The following ECT2L variants were observed in gnomAD, a reference collection of about 807,000 sequenced individuals.
The protein encoded by ECT2L is epithelial cell transforming 2 like.
ECT2L carries 126 observed loss-of-function variants against 122.8 expected under a neutral mutation model. The observed-to-expected ratio is 1.03, with a 90% CI of 0.89 to 1.19. The LOEUF (loss-of-function observed/expected upper bound fraction) is 1.19, where lower values mean the gene tolerates loss of function less well. ECT2L is among the 50% of genes most tolerant of loss of function. ECT2L has a pLI of 0.00. For synonymous variants in ECT2L, 385 were observed against 381.8 expected, an observed-to-expected ratio of 1.01 and a Z score of -0.10; for missense variants, 1,012 against 1,064.1, an observed-to-expected ratio of 0.95 and a Z score of 0.68.
At chr6:138,895,545 T>C (rs1388613564) in intron 20 of ECT2L, among the ~76,000 whole-genome samples, 1 of 151,442 alleles carries the variant, frequency 6.6e-6, no homozygotes, top group South Asian at 2.1e-4. Context: ...CTCACTAACA[T>C]AGTAACAATT....
intron 4 of ECT2L, among the ~76,000 whole-genome samples, chr6:138,836,616 G>A (rs189936166): frequency 6.6e-6 from 1 of 151,916 alleles, no homozygotes. Flanking sequence ...TTACTATGAT[G>A]GCCTCCAAGT....
intron 4 of ECT2L, among the ~76,000 whole-genome samples, chr6:138,825,058 T>C (rs1425724706): frequency 6.6e-6 from 1 of 152,164 alleles, no homozygotes; most frequent in Non-Finnish European, 1.5e-5. Flanking sequence ...TAGCTATGAC[T>C]GTGAGAAGTG....
At chr6:138,885,605 G>C in intron 17 of ECT2L, 26 bp downstream of exon 17, 1 of 1,614,132 alleles carries the variant, frequency 6.2e-7, no homozygotes, top group Middle Eastern at 1.7e-4. Flanking sequence ...GAGCACAGCA[G>C]GGGTCCCCCC....
intron 14 of ECT2L, among the ~76,000 whole-genome samples, chr6:138,880,168 G>A (rs78459228): frequency 1.3e-5 from 2 of 152,242 alleles, no homozygotes; most frequent in South Asian, 4.1e-4. Context: ...TAATGAAAAG[G>A]TGTCTTCACC....
chr6:138,848,375 T>C (rs990389670), intron 8 of ECT2L, among the ~76,000 whole-genome samples: 10 of 152,114 alleles, frequency 6.6e-5, no homozygotes, highest in African/African-American at 1.2e-4. Flanking sequence ...AGAAATCCTG[T>C]TTGGTTTTTC....
intron 1 of ECT2L, among the ~76,000 whole-genome samples, chr6:138,810,784 ACTTGT>A (rs1205096420): frequency 1.3e-5 from 2 of 152,192 alleles, no homozygotes; most frequent in African/African-American, 4.8e-5. Flanking sequence ...GGACCAGATA[ACTTGT>A]CTTTTTAGTT....
chr6:138,897,869 C>T (rs985173554), intron 20 of ECT2L, among the ~76,000 whole-genome samples: 3 of 152,140 alleles, frequency 2.0e-5, no homozygotes, highest in Non-Finnish European at 4.4e-5. Context: ...CCTCTAATAT[C>T]GGCATTGTCC....
chr6:138,808,143 G>A (rs764482864), intron 1 of ECT2L, among the ~76,000 whole-genome samples: 12 of 152,148 alleles, frequency 7.9e-5, no homozygotes, highest in South Asian at 2.1e-4. Context: ...CTTCACAGAT[G>A]TATACTCTTC....
chr6:138,827,217 G>A (rs373367012), intron 4 of ECT2L, among the ~76,000 whole-genome samples: 25 of 152,020 alleles, frequency 1.6e-4, no homozygotes, highest in African/African-American at 3.9e-4. Context: ...GTGTGGTGGC[G>A]CATGCCTGTA....
intron 10 of ECT2L, among the ~76,000 whole-genome samples, chr6:138,862,056 T>G (rs1022856890): frequency 6.6e-6 from 1 of 152,194 alleles, no homozygotes; most frequent in African/African-American, 2.4e-5. Flanking sequence ...TGATGAAGTG[T>G]TCATGGACTG....
intron 4 of ECT2L, among the ~76,000 whole-genome samples, chr6:138,816,585 T>C (rs548379195): frequency 2.8e-4 from 43 of 152,072 alleles, no homozygotes; most frequent in Admixed American, 1.0e-3. Context: ...CCGGGGTTCA[T>C]GCCATTCTCC....
rs1777974470 is a variant in ECT2L at position 138,864,977 on chromosome 6, C to G, written c.1292-19C>G. ...TCTGAGCTCAAGCCTGCAATAATAA[C>G]AGAAGAAAATCATGTCAGTTCTTAG... On this transcript the variant is annotated intron_variant, in intron 11 of 21. Coordinates refer to ENST00000541398, the MANE Select transcript of ECT2L (RefSeq NM_001077706.3). 2.5e-6 allele frequency: 4 copies of G among 1,599,948 alleles called. No individual in the cohort carries two copies. The highest frequency in any genetic ancestry group is 1.3e-5 in the African/African-American group (1 of 74,374).
rs368334398 is a variant in ECT2L, at chr6:138,891,398, T to C, written c.2414+2367T>C. 2.1e-3 allele frequency among the ~76,000 whole-genome samples: 320 copies of C among 152,312 alleles called. 4 individuals are homozygous for C. Among genetic ancestry groups the C allele is most frequent in the South Asian group, 0.016 (77 of 4,824 alleles). ...GAGAGATTCAGCTGAGAGTATGTTA[T>C]CTTTTAAGGTCTGATAAGAGACATT... On this transcript the variant is annotated intron_variant, in intron 20 of 21. Transcript: ENST00000541398.
At chr6:138,900,237 T>C (rs993884464) in intron 20 of ECT2L, among the ~76,000 whole-genome samples, 9 of 152,130 alleles carry the variant, frequency 5.9e-5, no homozygotes, top group Admixed American at 3.3e-4. Flanking sequence ...TGTTTCTCTC[T>C]ACCCCAACTT....
At chr6:138,870,937 G>C (rs773883892) in intron 13 of ECT2L, among the ~76,000 whole-genome samples, 4 of 152,206 alleles carry the variant, frequency 2.6e-5, no homozygotes, top group South Asian at 2.1e-4. Context: ...AACCCAGGGG[G>C]GTTCAGTGAG....
intron 1 of ECT2L, among the ~76,000 whole-genome samples, chr6:138,797,302 A>G (rs1413719671): frequency 1.3e-5 from 2 of 152,188 alleles, no homozygotes; most frequent in African/African-American, 4.8e-5. Flanking sequence ...TGCGATCTTT[A>G]GAACCAGATA....
intron 12 of ECT2L, among the ~76,000 whole-genome samples, chr6:138,867,340 T>C (rs760969476): frequency 1.3e-5 from 2 of 152,148 alleles, no homozygotes; most frequent in Non-Finnish European, 2.9e-5. Flanking sequence ...CATTGCATAA[T>C]AGAATTTTTA....
At chr6:138,803,940 C>A (rs904142296) in intron 1 of ECT2L, among the ~76,000 whole-genome samples, 2 of 152,218 alleles carry the variant, frequency 1.3e-5, no homozygotes, top group African/African-American at 2.4e-5. Flanking sequence ...TTCAGCTACA[C>A]CAAGCCACGT....
chr6:138,843,910 G>A (rs1347424770), intron 6 of ECT2L, among the ~76,000 whole-genome samples: 2 of 152,052 alleles, frequency 1.3e-5, no homozygotes, highest in East Asian at 1.9e-4. Flanking sequence ...GGCTGGTCCC[G>A]AATTCCTGGG....
Sources: allele counts gnomAD v4.1 joint callset (sites outside exome capture counted in the v4.1 genomes callset), GRCh38; gene constraint gnomAD v4.1.1; transcripts MANE v1.5; gene names NCBI Gene and HGNC (gene_info 2026-07-23, HGNC 2026-07-21).